The following MRPS18B variants were observed in gnomAD, a reference collection of about 807,000 sequenced individuals.
MRPS18B encodes mitochondrial ribosomal protein S18B.
Under a neutral mutation model 28.4 loss-of-function variants are expected in MRPS18B, and 27 were observed. The observed-to-expected ratio is 0.95, with a 90% confidence interval of 0.70 to 1.31. MRPS18B has a LOEUF of 1.31. MRPS18B is among the 40% of genes most tolerant of loss of function. The probability of loss-of-function intolerance (pLI) is 0.00; values close to 1 mark genes in which losing one functional copy is unlikely to be tolerated. For missense variants in MRPS18B, 343 were observed against 335.9 expected (o/e 1.02, Z -0.17); for synonymous variants, 118 against 123.7 (o/e 0.95, Z 0.30).
chr6:30,617,841 A>G lies in MRPS18B; in HGVS notation c.-25A>G. Reference sequence around the variant, plus strand: ...AGCATGCGCAGTTGCCTTTCCGTCAATTCCTGTCCTGGGCGTACGTCAAGA... The same window carrying G: ...AGCATGCGCAGTTGCCTTTCCGTCAGTTCCTGTCCTGGGCGTACGTCAAGA... On this transcript the variant is annotated 5_prime_UTR_variant, in exon 1 of 7. Transcript: ENST00000259873. The G allele has an allele frequency of 6.2e-7, 1 of 1,614,024 alleles. No individual in the cohort carries two copies. The highest frequency in any genetic ancestry group is 8.5e-7 in the Non-Finnish European group (1 of 1,180,008).
At chr6:30,619,354 ATACTT>A in intron 1 of MRPS18B, 134 bp from the exon 2 acceptor site, 2 of 652,718 alleles carry the variant, frequency 3.1e-6, no homozygotes, top group Non-Finnish European at 2.6e-6. Context: ...CCCAACAAAA[ATACTT>A]AACTTACATA....
At chr6:30,620,442 G>A (rs1020807782) in intron 4 of MRPS18B, among the ~76,000 whole-genome samples, 6 of 152,136 alleles carry the variant, frequency 3.9e-5, no homozygotes, top group Admixed American at 1.3e-4. Flanking sequence ...CCTACAGTCC[G>A]TTTTATAGTA....
chr6:30,619,974 G>A lies in MRPS18B; in HGVS notation c.339G>A (p.Leu113=). ...GCCCCATCTGTCGAGATCACAAGTT[G>A]CATGTTGACTTTAGGGTAAGGAGAG... ...NPCPICRDHK[L]HVDFRNVKLL... Residue 113 remains leucine, a synonymous_variant, in exon 4 of 7, where the codon TTG becomes TTA. Coordinates refer to ENST00000259873, the MANE Select transcript of MRPS18B (RefSeq NM_014046.4). 3.7e-6 allele frequency: 6 copies of A among 1,614,126 alleles called. No individual in the cohort carries two copies. The highest frequency in any genetic ancestry group is 4.2e-6 in the Non-Finnish European group (5 of 1,179,960).
intron 5 of MRPS18B, 44 bp from the exon 6 acceptor site, chr6:30,624,839 T>C (rs780965387): frequency 6.2e-7 from 1 of 1,605,010 alleles, no homozygotes; most frequent in South Asian, 1.1e-5. Context: ...TTGTGTTCTA[T>C]TATTTACTGT....
intron 2 of MRPS18B, 24 bp downstream of exon 2, chr6:30,619,625 G>A: frequency 6.2e-7 from 1 of 1,609,612 alleles, no homozygotes. Flanking sequence ...GGGAAAGGGA[G>A]GGTCAGATAG....
At chr6:30,622,770 C>A (rs1365860095) in intron 4 of MRPS18B, 62 bp from the exon 5 acceptor site, 9 of 1,527,696 alleles carry the variant, frequency 5.9e-6, no homozygotes, top group Non-Finnish European at 8.2e-6. Context: ...TTTCGATGTC[C>A]AAAGATCCTG....
intron 4 of MRPS18B, among the ~76,000 whole-genome samples, chr6:30,621,610 T>C (rs1218076803): frequency 1.3e-5 from 2 of 152,138 alleles, no homozygotes; most frequent in Non-Finnish European, 1.5e-5. Context: ...AGGAGTCCCA[T>C]AGATAATTTC....
At chr6:30,618,211 A>G (rs1357506551) in intron 1 of MRPS18B, among the ~76,000 whole-genome samples, 1 of 152,054 alleles carries the variant, frequency 6.6e-6, no homozygotes, top group African/African-American at 2.4e-5. Flanking sequence ...GTCCACCCTC[A>G]GTCATGCATA....
chr6:30,622,022 G>A (rs535036231), intron 4 of MRPS18B, among the ~76,000 whole-genome samples: 1 of 152,038 alleles, frequency 6.6e-6, no homozygotes, highest in African/African-American at 2.4e-5. Flanking sequence ...AGTAGCATGG[G>A]TGATTCTGCT....
In MRPS18B at chr6:30,619,568, A is replaced by G. The variant is rs1007093178; in HGVS notation, c.154A>G (p.Lys52Glu). The G allele has an allele frequency of 5.0e-6, 8 of 1,612,954 alleles. No homozygotes were observed. Among genetic ancestry groups the G allele is most frequent in the African/African-American group, 1.3e-5 (1 of 75,024 alleles). The change falls in exon 2 of 7, where the codon AAG (lysine) becomes GAG (glutamate). Residue 52 changes from lysine (K) to glutamate (E), a missense_variant. Lys to Glu is a moderately conservative substitution (Grantham distance 56, BLOSUM62 1). Coordinates refer to ENST00000259873, the MANE Select transcript of MRPS18B (RefSeq NM_014046.4). ...GTCCTCAGTTCCCATTTCTCCTTATAAGGATGAGCCCTGGAAATATCTGGA... is the reference window on the plus strand; with the variant it reads ...GTCCTCAGTTCCCATTTCTCCTTATGAGGATGAGCCCTGGAAATATCTGGA... ...SLSSVPISPY[K>E]DEPWKYLESE...
chr6:30,619,562 C>G lies in MRPS18B; in HGVS notation c.148C>G (p.Pro50Ala). The part of the protein sequence containing the change: ...EDSLSSVPIS[P>A]YKDEPWKYLE... ...TTCTTTGTCCTCAGTTCCCATTTCT[C>G]CTTATAAGGATGAGCCCTGGAAATA... Residue 50 changes from proline to alanine, a missense_variant, in exon 2 of 7, where the codon CCT becomes GCT. Physicochemically the swap from Pro to Ala is conservative, Grantham distance 27. Transcript: ENST00000259873. 6.2e-7 allele frequency: 1 copy of G among 1,612,960 alleles called. No homozygotes were observed. The highest frequency in any genetic ancestry group is 8.5e-7 in the Non-Finnish European group (1 of 1,179,982).
At chr6:30,622,923 C>T in intron 5 of MRPS18B, 25 bp downstream of exon 5, 4 of 1,607,432 alleles carry the variant, frequency 2.5e-6, no homozygotes, top group Non-Finnish European at 3.4e-6. Flanking sequence ...CCTGCACCAC[C>T]AGAGAGCTTT....
chr6:30,624,520 T>C (rs1761364826), intron 5 of MRPS18B, among the ~76,000 whole-genome samples: 1 of 152,232 alleles, frequency 6.6e-6, no homozygotes, highest in Non-Finnish European at 1.5e-5. Flanking sequence ...CTCTCTCAGA[T>C]TGCCTTCCCC....
chr6:30,625,005 G>T, intron 6 of MRPS18B, 63 bp downstream of exon 6: 1 of 1,573,322 alleles, frequency 6.4e-7, no homozygotes, highest in Non-Finnish European at 8.7e-7. Flanking sequence ...CTTAGGGCTA[G>T]AAAATGGATA....
chr6:30,625,012 G>C, intron 6 of MRPS18B, 70 bp downstream of exon 6: 1 of 1,548,228 alleles, frequency 6.5e-7, no homozygotes. Context: ...CTAGAAAATG[G>C]ATATAAATGC....
chr6:30,625,483 T>C lies in MRPS18B; in HGVS notation c.482-19T>C. 6.6e-7 allele frequency: 1 copy of C among 1,513,112 alleles called. No homozygotes were observed. The allele number at this position is 1,513,112 out of a possible 1,614,324, so 93.7% of individuals were successfully genotyped here. A position where few individuals can be genotyped will look rare whatever the true frequency, so the allele number is the denominator to read the frequency against. On this transcript the variant is annotated intron_variant, in intron 6 of 6. Transcript: ENST00000259873. ...CTCCTCATTGCCTCTTAAATTTCTTTTCTTTTTTAATCCCTTAGGTCTCCT... is the reference window on the plus strand; with the variant it reads ...CTCCTCATTGCCTCTTAAATTTCTTCTCTTTTTTAATCCCTTAGGTCTCCT...
intron 1 of MRPS18B, chr6:30,618,530 A>C (rs1760901704): frequency 6.6e-6 from 1 of 152,356 alleles, no homozygotes; most frequent in Non-Finnish European, 1.5e-5. Context: ...CTTTGAATTG[A>C]GGTTTCCCTC....
chr6:30,624,132 C>T (rs995384117), intron 5 of MRPS18B, among the ~76,000 whole-genome samples: 10 of 150,192 alleles, frequency 6.7e-5, no homozygotes, highest in Non-Finnish European at 1.3e-4. Flanking sequence ...TACTCTGTCA[C>T]CCAAGGCTGG....
chr6:30,620,386 C>T (rs543753351), intron 4 of MRPS18B, among the ~76,000 whole-genome samples: 2 of 152,006 alleles, frequency 1.3e-5, no homozygotes, highest in South Asian at 4.2e-4. Flanking sequence ...TTTGCAGTGC[C>T]AAAGAGATTA....
Sources: gnomAD v4.1 joint callset for allele counts (sites outside exome capture counted in the v4.1 genomes callset) on GRCh38, gnomAD v4.1.1 for gene constraint, MANE v1.5 for transcripts, NCBI Gene and HGNC (gene_info 2026-07-23, HGNC 2026-07-21) for gene names.